Variants in CPQ observed in about 807,000 individuals in gnomAD.
The protein encoded by CPQ is carboxypeptidase Q.
Under a neutral mutation model 45.7 loss-of-function variants are expected in CPQ, and 37 were observed. The observed-to-expected ratio is 0.81, with a 90% CI of 0.62 to 1.07. The LOEUF is 1.07. CPQ is among the 50% of genes least tolerant of loss of function. The probability of loss-of-function intolerance (pLI) is 0.00; values close to 1 mark genes in which losing one functional copy is unlikely to be tolerated. For synonymous variants in CPQ, 186 were observed against 205.8 expected, an observed-to-expected ratio of 0.90 and a Z score of 0.82; for missense variants, 537 against 572.9, an observed-to-expected ratio of 0.94 and a Z score of 0.64.
At chr8:96,652,106 A>C (rs2651444) in intron 1 of CPQ, among the ~76,000 whole-genome samples, 31,337 of 152,154 alleles carry the variant, frequency 0.21, 3,697 homozygotes, top group African/African-American at 0.32. Context: ...GAAACTTTGA[A>C]CCCTTTGGCA....
At chr8:96,877,816 G>T (rs1812168284) in intron 3 of CPQ, among the ~76,000 whole-genome samples, 1 of 152,178 alleles carries the variant, frequency 6.6e-6, no homozygotes, top group Admixed American at 6.5e-5. Context: ...TAGGTTAAGT[G>T]ACCCCAGAAC....
chr8:96,879,500 C>T (rs1812191369), intron 3 of CPQ, among the ~76,000 whole-genome samples: 6 of 152,264 alleles, frequency 3.9e-5, no homozygotes, highest in South Asian at 4.2e-4. Flanking sequence ...ACCTTTTGAT[C>T]ATGAAGGCAC....
intron 6 of CPQ, among the ~76,000 whole-genome samples, chr8:97,037,996 G>C (rs951415738): frequency 6.6e-6 from 1 of 152,110 alleles, no homozygotes; most frequent in African/African-American, 2.4e-5. Flanking sequence ...AAAGTAAAAA[G>C]ACTATGACAA....
At chr8:96,820,031 C>A (rs1051720707) in intron 2 of CPQ, among the ~76,000 whole-genome samples, 2 of 152,026 alleles carry the variant, frequency 1.3e-5, no homozygotes, top group South Asian at 4.1e-4. Flanking sequence ...ATCAAGATAT[C>A]TATGGTGTTG....
rs113147465 is a variant in CPQ at position 96,731,074 on chromosome 8, C to G, written c.-34-53790C>G. Among the ~76,000 whole-genome samples, 899 of 151,892 alleles carry G rather than the reference C, an allele frequency of 5.9e-3. 16 individuals carry two copies. Among genetic ancestry groups the G allele is most frequent in the African/African-American group, 0.016 (650 of 41,406 alleles). On this transcript the variant is annotated intron_variant, in intron 1 of 7. Transcript: ENST00000220763. Reference sequence around the variant, plus strand: ...TCTTTCAAACCCTCTCATCTTCCTACAGCAGTGTCTTCAAAGAATTAGGGT... The same window carrying G: ...TCTTTCAAACCCTCTCATCTTCCTAGAGCAGTGTCTTCAAAGAATTAGGGT...
intron 4 of CPQ, among the ~76,000 whole-genome samples, chr8:96,900,187 A>G (rs987248412): frequency 1.3e-5 from 2 of 152,150 alleles, no homozygotes; most frequent in Non-Finnish European, 2.9e-5. Context: ...ATAATCAAGT[A>G]TGTCTGGCTC....
rs181075536 is a variant in CPQ, at chr8:96,776,737, A to G, written c.-34-8127A>G. 3.4e-3 allele frequency among the ~76,000 whole-genome samples: 511 copies of G among 152,310 alleles called. 7 individuals carry two copies. The highest frequency in any genetic ancestry group is 0.012 in the African/African-American group (486 of 41,590). On this transcript the variant is annotated intron_variant, in intron 1 of 7. Transcript: ENST00000220763. ...AGAAAATGACATTATAAAGAATTTT[A>G]TCTCTTTTTTTGTGAAAAAGATAAT... is the stretch of plus-strand genomic sequence containing the variant.
Position 96,646,126 on chromosome 8 carries a change from G to C in CPQ, c.-35+724G>C, listed in dbSNP as rs114247735. On this transcript the variant is annotated intron_variant, in intron 1 of 7. Transcript: ENST00000220763. ...GGCTTACAACTCCTGTTTTTTGATAGCTTTCCAAAAAGTTGTGTGAATGTC... is the reference window on the plus strand; with the variant it reads ...GGCTTACAACTCCTGTTTTTTGATACCTTTCCAAAAAGTTGTGTGAATGTC... Among the ~76,000 whole-genome samples the C allele has an allele frequency of 3.5e-3, 536 of 151,492 alleles. 6 individuals are homozygous for C. Among genetic ancestry groups the C allele is most frequent in the African/African-American group, 0.012 (505 of 41,176 alleles).
intron 1 of CPQ, among the ~76,000 whole-genome samples, chr8:96,734,665 C>T (rs904531852): frequency 1.3e-4 from 20 of 151,478 alleles, no homozygotes; most frequent in Admixed American, 1.2e-3. Context: ...GAGCCGAGAT[C>T]GCCCCACTGC....
Position 96,879,922 on chromosome 8 carries a change from C to A in CPQ, c.766C>A (p.Leu256Ile). ...TCATGGGATCAAAATTGTCATTCAGCTAAAGATGGGGGCAAAGACCTACCC... is the reference window on the plus strand; with the variant it reads ...TCATGGGATCAAAATTGTCATTCAGATAAAGATGGGGGCAAAGACCTACCC... ...ASHGIKIVIQ[L>I]KMGAKTYPDT... The change falls in exon 4 of 8, where the codon CTA becomes ATA. Residue 256 changes from leucine to isoleucine, a missense_variant. By Grantham distance (5) the Leu-to-Ile change is conservative. Transcript: ENST00000220763. The A allele has an allele frequency of 6.2e-7, 1 of 1,613,962 alleles. No individual in the cohort carries two copies. The highest frequency in any genetic ancestry group is 8.5e-7 in the Non-Finnish European group (1 of 1,179,970).
intron 1 of CPQ, among the ~76,000 whole-genome samples, chr8:96,720,440 T>G (rs1201388264): frequency 6.6e-6 from 1 of 152,186 alleles, no homozygotes; most frequent in Non-Finnish European, 1.5e-5. Context: ...GGCAGTAGAA[T>G]TATTGGCTGA....
intron 1 of CPQ, among the ~76,000 whole-genome samples, chr8:96,671,708 A>G (rs1245399344): frequency 6.6e-6 from 1 of 152,198 alleles, no homozygotes; most frequent in Non-Finnish European, 1.5e-5. Flanking sequence ...TTTCTAAAAG[A>G]TTAGGAAAAA....
intron 1 of CPQ, among the ~76,000 whole-genome samples, chr8:96,652,732 A>C (rs1815591108): frequency 6.6e-6 from 1 of 152,144 alleles, no homozygotes; most frequent in Non-Finnish European, 1.5e-5. Context: ...TCCCGGGTTC[A>C]CGCCATTCTC....
At chr8:96,882,078 A>G (rs1158910753) in intron 4 of CPQ, among the ~76,000 whole-genome samples, 2 of 152,208 alleles carry the variant, frequency 1.3e-5, no homozygotes, top group Non-Finnish European at 2.9e-5. Context: ...GACTTCTCCC[A>G]GACTAAGGAC....
chr8:96,653,598 T>C (rs1350832978), intron 1 of CPQ, among the ~76,000 whole-genome samples: 2 of 152,214 alleles, frequency 1.3e-5, no homozygotes, highest in South Asian at 2.1e-4. Context: ...AAATAGCCAA[T>C]TAACACATAT....
intron 7 of CPQ, among the ~76,000 whole-genome samples, chr8:97,094,434 A>G (rs1586538301): frequency 1.3e-5 from 2 of 152,000 alleles, no homozygotes; most frequent in Non-Finnish European, 2.9e-5. Flanking sequence ...TCACTCCTCT[A>G]CCTTCGCTGC....
intron 7 of CPQ, among the ~76,000 whole-genome samples, chr8:97,130,534 T>G (rs965407441): frequency 6.6e-6 from 1 of 150,808 alleles, no homozygotes; most frequent in South Asian, 2.1e-4. Flanking sequence ...CTGAGAATAA[T>G]CACTGTTTCT....
chr8:96,847,210 T>G (rs1759990777), intron 3 of CPQ, among the ~76,000 whole-genome samples: 1 of 152,238 alleles, frequency 6.6e-6, no homozygotes, highest in South Asian at 2.1e-4. Context: ...GGGATGCTCT[T>G]GAGACTTTGT....
chr8:96,973,228 G>C (rs182987664), intron 5 of CPQ, among the ~76,000 whole-genome samples: 503 of 151,906 alleles, frequency 3.3e-3, no homozygotes, highest in African/African-American at 0.012. Context: ...AAATGCACTG[G>C]AAAGTCTCAG....
Sources: allele counts gnomAD v4.1 joint callset (sites outside exome capture counted in the v4.1 genomes callset), GRCh38; gene constraint gnomAD v4.1.1; transcripts MANE v1.5; gene names NCBI Gene and HGNC (gene_info 2026-07-23, HGNC 2026-07-21).